DGKI: variants seen among roughly 807,000 people sequenced by gnomAD.
The protein encoded by DGKI is DAG kinase iota.
DGKI carries 55 observed loss-of-function variants against 147.5 expected under a neutral mutation model. The ratio of observed to expected loss-of-function variants is 0.37; its 90% confidence interval spans 0.30 to 0.47. The LOEUF (loss-of-function observed/expected upper bound fraction) is 0.47, where lower values mean the gene tolerates loss of function less well. DGKI is among the 20% of genes least tolerant of loss of function. The pLI, the probability that DGKI is intolerant of heterozygous loss-of-function variation, is 1.00. For synonymous variants in DGKI, 469 were observed against 477.1 expected (o/e 0.98, Z 0.22); for missense variants, 1,007 against 1,323.8 (o/e 0.76, Z 3.71).
At chr7:137,632,649 G>T (rs185263979) in intron 6 of DGKI, among the ~76,000 whole-genome samples, 1 of 152,024 alleles carries the variant, frequency 6.6e-6, no homozygotes, top group Admixed American at 6.6e-5. Context: ...ACGAGGTCAG[G>T]AGATCGAGAC....
At chr7:137,503,375 C>T (rs952159999) in intron 21 of DGKI, among the ~76,000 whole-genome samples, 5 of 152,132 alleles carry the variant, frequency 3.3e-5, no homozygotes, top group African/African-American at 9.7e-5. Context: ...ATTCTTACAA[C>T]AGAATTTCCA....
At chr7:137,669,581 C>T (rs1214959004) in intron 3 of DGKI, among the ~76,000 whole-genome samples, 2 of 152,190 alleles carry the variant, frequency 1.3e-5, no homozygotes, top group Non-Finnish European at 2.9e-5. Context: ...CACAGAAACA[C>T]ACACCCTTAC....
At chr7:137,789,822 C>T (rs1394656754) in intron 1 of DGKI, among the ~76,000 whole-genome samples, 1 of 152,162 alleles carries the variant, frequency 6.6e-6, no homozygotes, top group African/African-American at 2.4e-5. Flanking sequence ...AGAGAACCTC[C>T]TCTTTGTATT....
Position 137,770,744 on chromosome 7 carries a change from G to A in DGKI, c.401+75718C>T, listed in dbSNP as rs1017355542. ...GAGACGGGGTTTCACCGTTTTAGCC[G>A]GGATGGTCTCGATCTCCTGACCTCG... On this transcript the variant is annotated intron_variant, in intron 1 of 32. Transcript: ENST00000614521. Among the ~76,000 whole-genome samples, 14 of 54,914 alleles carry A rather than the reference G, an allele frequency of 2.5e-4. 4 individuals carry two copies. The highest frequency in any genetic ancestry group is 9.3e-3 in the Middle Eastern group (1 of 108). 36.0% of individuals were successfully genotyped at this position (54,914 alleles called of 152,430 possible). A position where few individuals can be genotyped will look rare whatever the true frequency, so the allele number is the denominator to read the frequency against.
At chr7:137,674,658 T>C (rs1416270816) in intron 3 of DGKI, among the ~76,000 whole-genome samples, 1 of 152,226 alleles carries the variant, frequency 6.6e-6, no homozygotes, top group East Asian at 1.9e-4. Flanking sequence ...CACATGCTCA[T>C]GCACGGCTCA....
intron 1 of DGKI, among the ~76,000 whole-genome samples, chr7:137,769,899 G>A (rs1366863106): frequency 2.0e-5 from 3 of 152,220 alleles, no homozygotes; most frequent in Non-Finnish European, 4.4e-5. Context: ...TTCAACCATT[G>A]TGGAAGCCAG....
At chr7:137,793,638 A>G (rs1308316064) in intron 1 of DGKI, among the ~76,000 whole-genome samples, 3 of 152,034 alleles carry the variant, frequency 2.0e-5, no homozygotes, top group Non-Finnish European at 4.4e-5. Flanking sequence ...CACCATTTTC[A>G]CATGTCATTC....
chr7:137,782,388 CA>C (rs1297794745), intron 1 of DGKI, among the ~76,000 whole-genome samples: 1 of 152,108 alleles, frequency 6.6e-6, no homozygotes, highest in African/African-American at 2.4e-5. Context: ...CCCCTGGGAA[CA>C]TAACTCCATT....
intron 28 of DGKI, among the ~76,000 whole-genome samples, chr7:137,430,279 T>C (rs1411539921): frequency 6.6e-6 from 1 of 151,826 alleles, no homozygotes; most frequent in Non-Finnish European, 1.5e-5. Flanking sequence ...TTGGAAATCA[T>C]CATTCTCAGT....
intron 1 of DGKI, among the ~76,000 whole-genome samples, chr7:137,825,112 G>C (rs1189262142): frequency 1.3e-5 from 2 of 152,154 alleles, no homozygotes; most frequent in Non-Finnish European, 2.9e-5. Flanking sequence ...ATTTCTTTGA[G>C]GAATTGCCAC....
chr7:137,597,722 C>A, intron 12 of DGKI, 125 bp downstream of exon 12: 1 of 841,174 alleles, frequency 1.2e-6, no homozygotes, highest in Non-Finnish European at 1.9e-6. Flanking sequence ...GGCTATGATT[C>A]ACATGAGAGA....
At chr7:137,517,337 A>AAGAAAGAAAGAAAGAG (rs1554421311) in intron 21 of DGKI, among the ~76,000 whole-genome samples, 7 of 116,814 alleles carry the variant, frequency 6.0e-5, no homozygotes, top group African/African-American at 1.6e-4. Flanking sequence ...GAAAGAAAGA[A>AAGAAAGAAAGAAAGAG]AGAGAAAGAA....
intron 20 of DGKI, among the ~76,000 whole-genome samples, chr7:137,534,710 G>C (rs1042432720): frequency 6.6e-6 from 1 of 151,894 alleles, no homozygotes; most frequent in African/African-American, 2.4e-5. Context: ...ACAAAGTTTA[G>C]TCTTCAGAGG....
chr7:137,816,843 G>A (rs964678543), intron 1 of DGKI, among the ~76,000 whole-genome samples: 6 of 152,128 alleles, frequency 3.9e-5, no homozygotes, highest in Non-Finnish European at 5.9e-5. Context: ...AAAAAGATCC[G>A]AAGAAGGGAG....
intron 10 of DGKI, among the ~76,000 whole-genome samples, chr7:137,604,786 A>G (rs1340149008): frequency 6.6e-6 from 1 of 152,210 alleles, no homozygotes; most frequent in Non-Finnish European, 1.5e-5. Flanking sequence ...AGGGAGAGAC[A>G]GTGTGAAAGC....
rs1811157142 is a variant in DGKI, at chr7:137,385,556, T to G, written c.*5664A>C. On this transcript the variant is annotated 3_prime_UTR_variant, in exon 33 of 33. Coordinates refer to ENST00000614521, the MANE Select transcript of DGKI (RefSeq NM_001321708.2). The stretch of plus-strand genomic sequence containing the variant: ...CTCCACTATTACATATTATTTGTAC[T>G]TCATCTTCTTTATATTTAGTCAAAA... 6.6e-6 allele frequency: 1 copy of G among 152,108 alleles called. No homozygotes were observed. The highest frequency in any genetic ancestry group is 2.1e-4 in the South Asian group (1 of 4,832). 9.4% of individuals were successfully genotyped at this position (152,108 alleles called of 1,614,324 possible).
chr7:137,532,203 C>T (rs376870198), intron 20 of DGKI, among the ~76,000 whole-genome samples: 3 of 152,066 alleles, frequency 2.0e-5, no homozygotes, highest in Non-Finnish European at 2.9e-5. Context: ...AGCTACAGGA[C>T]GCATTACTAC....
At chr7:137,640,453 T>C (rs1185543072) in intron 6 of DGKI, among the ~76,000 whole-genome samples, 1 of 152,138 alleles carries the variant, frequency 6.6e-6, no homozygotes, top group East Asian at 1.9e-4. Context: ...CTCGTAATCC[T>C]CCTGAGGCTA....
rs781580130 is a variant in DGKI at position 137,846,161 on chromosome 7, T to TCTCTCA, written c.401+300_401+301insTGAGAG. Among the ~76,000 whole-genome samples the TCTCTCA allele has an allele frequency of 4.9e-3, 534 of 108,194 alleles. 3 individuals are homozygous for TCTCTCA. Among genetic ancestry groups the TCTCTCA allele is most frequent in the African/African-American group, 0.011 (288 of 25,980 alleles). The allele number at this position is 108,194 out of a possible 152,430, so 71.0% of individuals were successfully genotyped here. A position where few individuals can be genotyped will look rare whatever the true frequency, so the allele number is the denominator to read the frequency against. ...CTCTCTCTCTCTCTCTCTCTCTCTC[T>TCTCTCA]CACACACACACACACACACACACAC... On this transcript the variant is annotated intron_variant, in intron 1 of 32. Transcript: ENST00000614521. This position sits in a 1 kb window ranked among gnomAD's most constrained non-coding sequence, Gnocchi z 4.0.
Sources: gnomAD v4.1 joint callset for allele counts (sites outside exome capture counted in the v4.1 genomes callset) on GRCh38, gnomAD v4.1.1 for gene constraint, Gnocchi (gnomAD v3.1) non-coding constraint, MANE v1.5 for transcripts, NCBI Gene and HGNC (gene_info 2026-07-23, HGNC 2026-07-21) for gene names.